The following CFAP20DC variants were observed in gnomAD, a reference collection of about 807,000 sequenced individuals.
CFAP20DC encodes the protein CFAP20 domain containing.
A neutral mutation model predicts 101.7 loss-of-function variants in CFAP20DC; 84 were observed. That is an observed-to-expected ratio of 0.83 (90% confidence interval 0.69 to 0.99). CFAP20DC has a LOEUF of 0.99. Among genes scored for constraint, CFAP20DC ranks in the 50% least tolerant of loss-of-function variants. The pLI is 0.00. For missense variants in CFAP20DC, 1,007 were observed against 970.3 expected (o/e 1.04, Z -0.50); for synonymous variants, 359 against 351.2 (o/e 1.02, Z -0.25).
rs2067910026 is a variant in CFAP20DC, at chr3:58,742,164, A to G, written c.*296T>C. ...AATGAATAACTCTTAATTTGTTTAC[A>G]TAAAATTATCTGAAATAAACAAAAT... On this transcript the variant is annotated 3_prime_UTR_variant, in exon 17 of 17. Coordinates refer to ENST00000482387, the MANE Select transcript of CFAP20DC (RefSeq NM_001394063.1). 1 of 929,902 alleles carries G rather than the reference A, an allele frequency of 1.1e-6. No individual in the cohort carries two copies. The highest frequency in any genetic ancestry group is 1.3e-6 in the Non-Finnish European group (1 of 773,770). 57.6% of individuals were successfully genotyped at this position (929,902 alleles called of 1,614,324 possible).
At chr3:58,822,256 T>C (rs567872245) in intron 14 of CFAP20DC, among the ~76,000 whole-genome samples, 22 of 149,604 alleles carry the variant, frequency 1.5e-4, no homozygotes, top group South Asian at 8.5e-4. Flanking sequence ...GTAACTAACC[T>C]GCACAATGTG....
chr3:58,909,383 T>C (rs966449302), intron 6 of CFAP20DC, among the ~76,000 whole-genome samples: 2 of 152,224 alleles, frequency 1.3e-5, no homozygotes, highest in African/African-American at 2.4e-5. Flanking sequence ...ACGATATTTC[T>C]TCTCTTGTAC....
intron 14 of CFAP20DC, among the ~76,000 whole-genome samples, chr3:58,830,758 T>C (rs2076343940): frequency 6.6e-6 from 1 of 152,210 alleles, no homozygotes; most frequent in Admixed American, 6.5e-5. Flanking sequence ...CTGTTTGCTA[T>C]GATATTGAAT....
chr3:58,961,851 T>C (rs2091167730), intron 4 of CFAP20DC, among the ~76,000 whole-genome samples: 1 of 152,202 alleles, frequency 6.6e-6, no homozygotes. Flanking sequence ...TTTTAATTTC[T>C]AAAGGGTTAT....
chr3:58,997,007 A>T (rs1202640890), intron 4 of CFAP20DC, among the ~76,000 whole-genome samples: 1 of 152,022 alleles, frequency 6.6e-6, no homozygotes, highest in Non-Finnish European at 1.5e-5. Context: ...TCCAGGAGGG[A>T]CTCTGGCCTT....
chr3:58,716,354 G>C (rs1405632522), downstream of CFAP20DC, among the ~76,000 whole-genome samples: 1 of 151,296 alleles, frequency 6.6e-6, no homozygotes. Flanking sequence ...TAGTAGAGAC[G>C]GGGTTTCACC....
intron 15 of CFAP20DC, among the ~76,000 whole-genome samples, chr3:58,804,769 G>A (rs547601136): frequency 2.0e-5 from 3 of 152,310 alleles, no homozygotes; most frequent in East Asian, 3.9e-4. Context: ...TAGATGAGCT[G>A]CAAGATTCTT....
intron 14 of CFAP20DC, chr3:58,824,669 A>T (rs2075919315): frequency 6.6e-6 from 1 of 152,166 alleles, no homozygotes; most frequent in Non-Finnish European, 1.5e-5. Flanking sequence ...TTGTCTGAGA[A>T]CCTCACCATA....
chr3:58,938,823 G>C (rs1319667310), intron 4 of CFAP20DC, among the ~76,000 whole-genome samples: 1 of 151,932 alleles, frequency 6.6e-6, no homozygotes, highest in Non-Finnish European at 1.5e-5. Flanking sequence ...TAAAAATTAG[G>C]TAAGATGATT....
At chr3:58,847,376 A>T (rs1431898633) in intron 13 of CFAP20DC, among the ~76,000 whole-genome samples, 2 of 147,920 alleles carry the variant, frequency 1.4e-5, no homozygotes, top group East Asian at 2.0e-4. Context: ...GACACTTCTC[A>T]AAAGAAGACA....
chr3:58,941,226 G>A (rs1354321014), intron 4 of CFAP20DC, among the ~76,000 whole-genome samples: 1 of 151,024 alleles, frequency 6.6e-6, no homozygotes, highest in Non-Finnish European at 1.5e-5. Flanking sequence ...CTACTCAGGA[G>A]GGTGAGGCAG....
chr3:58,936,638 G>A (rs571782206), intron 5 of CFAP20DC, among the ~76,000 whole-genome samples: 11 of 152,278 alleles, frequency 7.2e-5, no homozygotes, highest in Middle Eastern at 3.4e-3. Context: ...CATGGATGAA[G>A]CTGGAAACCA....
intron 5 of CFAP20DC, among the ~76,000 whole-genome samples, chr3:58,920,014 G>A (rs2085167407): frequency 6.6e-6 from 1 of 150,446 alleles, no homozygotes; most frequent in Non-Finnish European, 1.5e-5. Flanking sequence ...TTTCTGCATA[G>A]GCTGGGTCCT....
downstream of CFAP20DC, among the ~76,000 whole-genome samples, chr3:58,740,742 C>T (rs150325930): frequency 3.7e-4 from 57 of 152,074 alleles, no homozygotes; most frequent in African/African-American, 1.2e-3. The surrounding 1 kb of genome is among the most constrained non-coding windows in gnomAD (Gnocchi z 4.6). Flanking sequence ...CAAGTCTTCA[C>T]GAATATAAAT....
rs1576274962 is a variant in CFAP20DC, at chr3:58,912,293, A to G, written c.550+1415T>C. Reference sequence around the variant, plus strand: ...TGTACACTGCACAAATATTTCTATAAATTTTGAGGCTTCTTATTAGCTGGG... The same window carrying G: ...TGTACACTGCACAAATATTTCTATAGATTTTGAGGCTTCTTATTAGCTGGG... On this transcript the variant is annotated intron_variant, in intron 6 of 16. Transcript: ENST00000482387. This position sits in a 1 kb window ranked among gnomAD's most constrained non-coding sequence, Gnocchi z 4.4. Among the ~76,000 whole-genome samples, 8 of 152,252 alleles carry G rather than the reference A, an allele frequency of 5.3e-5. No individual in the cohort carries two copies. The South Asian group carries it at 1.7e-3, about 32-fold the overall frequency.
At chr3:58,867,752 C>A (rs2108504206) in intron 10 of CFAP20DC, 65 bp downstream of exon 10, 2 of 1,579,648 alleles carry the variant, frequency 1.3e-6, no homozygotes, top group East Asian at 4.5e-5. Flanking sequence ...TTACAACCTG[C>A]AGAGAGAGAT....
rs961173961 is a variant in CFAP20DC, at chr3:58,849,160, A to G, written c.1843T>C (p.Cys615Arg). ...ATTACGGGCTCTGGAGTTTTCTGACAGGACCCACACCTTCTTCCAGTTGGA... is the reference window on the plus strand; with the variant it reads ...ATTACGGGCTCTGGAGTTTTCTGACGGGACCCACACCTTCTTCCAGTTGGA... Reference protein sequence around the residue: ...LSPTGRRCGSCQKTPEPVIKA... With the variant: ...LSPTGRRCGSRQKTPEPVIKA... Residue 615 changes from cysteine to arginine, a missense_variant, in exon 13 of 17, where the codon TGT (cysteine) becomes CGT (arginine). Transcript: ENST00000482387. 38 of 1,535,934 alleles carry G rather than the reference A, an allele frequency of 2.5e-5. No individual in the cohort carries two copies. The highest frequency in any genetic ancestry group is 2.8e-5 in the Non-Finnish European group (32 of 1,146,916).
Position 58,863,143 on chromosome 3 carries a change from G to A in CFAP20DC, c.1593+415C>T. ...ATAGGTCTAAGGTGAAAAGATGGCA[G>A]GGGAGTAAGGAAGCCAGAAAACCAT... On this transcript the variant is annotated intron_variant, in intron 12 of 16. Coordinates refer to ENST00000482387, the MANE Select transcript of CFAP20DC (RefSeq NM_001394063.1). The surrounding 1 kb of genome is among the most constrained non-coding windows in gnomAD (Gnocchi z 5.9). The A allele has an allele frequency of 1.9e-6, 2 of 1,062,918 alleles. No individual in the cohort carries two copies. The highest frequency in any genetic ancestry group is 2.3e-6 in the Non-Finnish European group (2 of 881,442). The allele number at this position is 1,062,918 out of a possible 1,614,324, so 65.8% of individuals were successfully genotyped here. A position where few individuals can be genotyped will look rare whatever the true frequency, so the allele number is the denominator to read the frequency against.
chr3:58,786,791 C>G (rs2072382996), intron 15 of CFAP20DC, among the ~76,000 whole-genome samples: 1 of 147,960 alleles, frequency 6.8e-6, no homozygotes, highest in African/African-American at 2.5e-5. Flanking sequence ...AGAAAAAAAT[C>G]ATATACTGAG....
Sources: allele counts gnomAD v4.1 joint callset (sites outside exome capture counted in the v4.1 genomes callset), GRCh38; gene constraint gnomAD v4.1.1; non-coding constraint Gnocchi (gnomAD v3.1); transcripts MANE v1.5; gene names NCBI Gene and HGNC (gene_info 2026-07-23, HGNC 2026-07-21).